Variants in GRID2 observed in about 807,000 individuals in gnomAD.
GRID2 encodes glutamate ionotropic receptor delta type subunit 2.
In GRID2, 33 loss-of-function variants were observed where a neutral mutation model predicts 114.8. The ratio of observed to expected loss-of-function variants is 0.29; its 90% CI spans 0.22 to 0.38. GRID2 has a LOEUF of 0.38. Among genes scored for constraint, GRID2 ranks in the 10% least tolerant of loss-of-function variants. GRID2 has a pLI of 1.00. For synonymous variants in GRID2, 505 were observed against 449.9 expected (o/e 1.12, Z -1.55); for missense variants, 1,184 against 1,257.7 (o/e 0.94, Z 0.89).
At chr4:92,790,534 C>G (rs936600344) in intron 2 of GRID2, among the ~76,000 whole-genome samples, 1 of 151,596 alleles carries the variant, frequency 6.6e-6, no homozygotes, top group Non-Finnish European at 1.5e-5. Context: ...TCTCACCTCA[C>G]CTGTCCAAGT....
chr4:93,229,821 C>A (rs1179122161), intron 7 of GRID2, among the ~76,000 whole-genome samples: 1 of 151,958 alleles, frequency 6.6e-6, no homozygotes, highest in Non-Finnish European at 1.5e-5. Flanking sequence ...TTCTCAGGTA[C>A]TCTTGTGTAC....
chr4:93,071,512 ATATT>A (rs1328353555), intron 2 of GRID2, among the ~76,000 whole-genome samples: 1 of 152,176 alleles, frequency 6.6e-6, no homozygotes, highest in Non-Finnish European at 1.5e-5. Context: ...ATTAAGGAAA[ATATT>A]AAGTAAGGTC....
At position 93,223,603 on chromosome 4, in the gene GRID2, A is replaced by G. The variant is rs151333202; in HGVS notation, c.964-1011A>G. ...GTTTTTAGGAAAAACCGTGATAACA[A>G]TATACTTTCAAAAATCTGAAAAACA... On this transcript the variant is annotated intron_variant, in intron 6 of 15. Transcript: ENST00000282020. Among the ~76,000 whole-genome samples, 618 of 152,296 alleles carry G rather than the reference A, an allele frequency of 4.1e-3. 4 individuals are homozygous for G. The highest frequency in any genetic ancestry group is 0.014 in the African/African-American group (574 of 41,576).
At chr4:92,952,504 C>T (rs1752108400) in intron 2 of GRID2, among the ~76,000 whole-genome samples, 1 of 151,406 alleles carries the variant, frequency 6.6e-6, no homozygotes, top group African/African-American at 2.4e-5. Context: ...TTTTGTGCTT[C>T]TCCTCATGTT....
At chr4:93,137,966 G>T (rs897663347) in intron 4 of GRID2, among the ~76,000 whole-genome samples, 121 of 78,306 alleles carry the variant, frequency 1.5e-3, no homozygotes, top group Admixed American at 2.1e-3. Context: ...TTTTTTCTTC[G>T]TTTTTTTTTT....
At chr4:93,218,272 G>C (rs1744466894) in intron 6 of GRID2, among the ~76,000 whole-genome samples, 5 of 151,876 alleles carry the variant, frequency 3.3e-5, no homozygotes, top group Admixed American at 2.6e-4. Flanking sequence ...AGGTCAAGGG[G>C]GAGAATCACT....
chr4:92,600,751 T>C (rs1729181574), intron 2 of GRID2, among the ~76,000 whole-genome samples: 1 of 152,216 alleles, frequency 6.6e-6, no homozygotes, highest in Non-Finnish European at 1.5e-5. Flanking sequence ...GATGGCTGCC[T>C]GCTCCTTCCT....
intron 8 of GRID2, among the ~76,000 whole-genome samples, chr4:93,317,381 C>T (rs1274149239): frequency 2.6e-5 from 4 of 151,454 alleles, no homozygotes; most frequent in African/African-American, 9.7e-5. Flanking sequence ...CCATCATGCT[C>T]TGCCACTGAT....
intron 2 of GRID2, among the ~76,000 whole-genome samples, chr4:92,804,280 AATT>A (rs1328908956): frequency 6.6e-6 from 1 of 152,022 alleles, no homozygotes; most frequent in African/African-American, 2.4e-5. Context: ...TATTCTATTT[AATT>A]ATTGTATTTT....
At position 92,590,151 on chromosome 4, in the gene GRID2, G is replaced by A; in HGVS notation, c.109G>A (p.Ala37Thr). 1.9e-6 allele frequency: 3 copies of A among 1,611,228 alleles called. No homozygotes were observed. Among genetic ancestry groups the A allele is most frequent in the South Asian group, 1.1e-5 (1 of 90,814 alleles). The change falls in exon 2 of 16, where the codon GCC (alanine) becomes ACC (threonine). Residue 37 changes from alanine (A) to threonine (T), a missense_variant. Physicochemically the swap from Ala to Thr is moderately conservative, Grantham distance 58 (BLOSUM62 0). Around this residue, in one of 3 missense-constraint regions of GRID2, gnomAD observed 455 missense variants for 429.5 expected, o/e 1.06. Transcript: ENST00000282020. Reference sequence around the variant, plus strand: ...TCTAGGAGCAATTTTTGATGAATCTGCCAAAAAGGATGATGAGGTATTTCG... The same window carrying A: ...TCTAGGAGCAATTTTTGATGAATCTACCAAAAAGGATGATGAGGTATTTCG... ...IHIGAIFDES[A>T]KKDDEVFRTA...
intron 2 of GRID2, among the ~76,000 whole-genome samples, chr4:92,740,470 G>A (rs1023055743): frequency 5.3e-5 from 8 of 152,116 alleles, no homozygotes; most frequent in African/African-American, 1.7e-4. Context: ...CTTCAAAACA[G>A]AGAGGGATTA....
At chr4:92,456,103 G>A (rs1464198894) in intron 1 of GRID2, among the ~76,000 whole-genome samples, 1 of 151,774 alleles carries the variant, frequency 6.6e-6, no homozygotes, top group Non-Finnish European at 1.5e-5. Context: ...TCTCTCTAAA[G>A]TGCTAAAGGT....
At chr4:93,606,471 T>C (rs1740252242) in intron 13 of GRID2, among the ~76,000 whole-genome samples, 1 of 152,180 alleles carries the variant, frequency 6.6e-6, no homozygotes, top group Admixed American at 6.5e-5. Context: ...GTTATAAAAG[T>C]AGAAATGTCT....
chr4:93,675,340 T>A (rs947867090), intron 14 of GRID2, among the ~76,000 whole-genome samples: 1 of 152,180 alleles, frequency 6.6e-6, no homozygotes, highest in African/African-American at 2.4e-5. Context: ...ATAAAATCAT[T>A]TATAACATAA....
intron 2 of GRID2, among the ~76,000 whole-genome samples, chr4:92,854,594 T>G (rs2149427134): frequency 6.6e-6 from 1 of 151,948 alleles, no homozygotes; most frequent in East Asian, 1.9e-4. Flanking sequence ...TTGAGGATAC[T>G]TAGCCTTAAA....
At chr4:93,677,562 G>A (rs548099946) in intron 14 of GRID2, among the ~76,000 whole-genome samples, 3 of 152,154 alleles carry the variant, frequency 2.0e-5, no homozygotes, top group Non-Finnish European at 4.4e-5. Context: ...TCGCACGGCC[G>A]GGCACTCCTC....
At chr4:92,440,476 G>A (rs1304426761) in intron 1 of GRID2, among the ~76,000 whole-genome samples, 1 of 152,006 alleles carries the variant, frequency 6.6e-6, no homozygotes, top group Non-Finnish European at 1.5e-5. Context: ...GTTGAGTAAA[G>A]CTAATTTGCC....
chr4:92,474,555 T>C (rs1406554114), intron 1 of GRID2, among the ~76,000 whole-genome samples: 1 of 152,150 alleles, frequency 6.6e-6, no homozygotes, highest in Non-Finnish European at 1.5e-5. Flanking sequence ...TGCTGGATCA[T>C]AAGGTACTTC....
chr4:92,583,513 C>T (rs1728276193), intron 1 of GRID2, among the ~76,000 whole-genome samples: 1 of 151,788 alleles, frequency 6.6e-6, no homozygotes, highest in African/African-American at 2.4e-5. Flanking sequence ...TCTGAAAACC[C>T]TATTTCATGC....
Sources: allele counts gnomAD v4.1 joint callset (sites outside exome capture counted in the v4.1 genomes callset), GRCh38; gene constraint gnomAD v4.1.1; regional missense constraint gnomAD v4.1.1; transcripts MANE v1.5; gene names NCBI Gene and HGNC (gene_info 2026-07-23, HGNC 2026-07-21).